The following OPCML variants were observed in gnomAD, a reference collection of about 807,000 sequenced individuals.
The protein encoded by OPCML is opioid-binding protein/cell adhesion molecule.
A neutral mutation model predicts 37.8 loss-of-function variants in OPCML; 13 were observed. The observed-to-expected ratio is 0.34, with a 90% CI of 0.22 to 0.55. The LOEUF is 0.55. Ranked by LOEUF, OPCML falls within the 20% of genes least tolerant of loss-of-function variation. OPCML has a pLI of 0.91. For missense variants in OPCML, 341 were observed against 435.6 expected, an observed-to-expected ratio of 0.78 and a Z score of 1.93; for synonymous variants, 176 against 168.8, an observed-to-expected ratio of 1.04 and a Z score of -0.33.
intron 4 of OPCML, among the ~76,000 whole-genome samples, chr11:132,519,207 G>T (rs1485714087): frequency 6.6e-6 from 1 of 152,156 alleles, no homozygotes; most frequent in East Asian, 1.9e-4. Context: ...TTTAGAAAGA[G>T]AACCCTAGGT....
intron 1 of OPCML, among the ~76,000 whole-genome samples, chr11:133,272,796 T>G (rs1257903542): frequency 6.6e-6 from 1 of 152,188 alleles, no homozygotes; most frequent in Non-Finnish European, 1.5e-5. Flanking sequence ...AACATCTCTT[T>G]GAGAAGAAAG....
intron 1 of OPCML, among the ~76,000 whole-genome samples, chr11:133,405,359 A>G (rs1476455486): frequency 1.3e-5 from 2 of 152,188 alleles, no homozygotes; most frequent in Admixed American, 1.3e-4. Flanking sequence ...TTGGAATTGC[A>G]GCTCCTTCTC....
intron 1 of OPCML, among the ~76,000 whole-genome samples, chr11:133,367,452 C>T (rs758538103): frequency 6.6e-5 from 10 of 152,212 alleles, no homozygotes; most frequent in Admixed American, 2.0e-4. Context: ...GTCCCAGCAT[C>T]GGATCTGCAT....
intron 1 of OPCML, among the ~76,000 whole-genome samples, chr11:133,495,625 G>C (rs951365632): frequency 6.6e-6 from 1 of 152,064 alleles, no homozygotes; most frequent in African/African-American, 2.4e-5. Context: ...ATCGCATTGT[G>C]GTTCTGATTT....
At chr11:133,384,708 G>C (rs1945007298) in intron 1 of OPCML, among the ~76,000 whole-genome samples, 1 of 152,208 alleles carries the variant, frequency 6.6e-6, no homozygotes, top group African/African-American at 2.4e-5. Context: ...CCTGGCTGGA[G>C]ACCAGCCTCA....
At chr11:132,442,443 T>G (rs1036962553) in intron 4 of OPCML, among the ~76,000 whole-genome samples, 2 of 152,202 alleles carry the variant, frequency 1.3e-5, no homozygotes, top group African/African-American at 4.8e-5. Flanking sequence ...GTTTATTGCC[T>G]CAGCCAATTC....
intron 1 of OPCML, among the ~76,000 whole-genome samples, chr11:133,215,102 G>T (rs1191709473): frequency 6.6e-6 from 1 of 152,142 alleles, no homozygotes; most frequent in Non-Finnish European, 1.5e-5. Flanking sequence ...TTCACAGATG[G>T]CAAAGGCTTA....
intron 3 of OPCML, among the ~76,000 whole-genome samples, chr11:132,605,536 C>T (rs1938230715): frequency 6.6e-6 from 1 of 152,022 alleles, no homozygotes; most frequent in Non-Finnish European, 1.5e-5. Context: ...TGTACTCCAG[C>T]CTGGCAACAG....
intron 1 of OPCML, among the ~76,000 whole-genome samples, chr11:133,090,278 C>T (rs1463460753): frequency 1.3e-5 from 2 of 152,066 alleles, no homozygotes; most frequent in Non-Finnish European, 2.9e-5. Context: ...GCAACACATA[C>T]CTAAAATGGG....
intron 1 of OPCML, among the ~76,000 whole-genome samples, chr11:133,226,645 G>A (rs1367956261): frequency 6.6e-6 from 1 of 152,182 alleles, no homozygotes; most frequent in African/African-American, 2.4e-5. Flanking sequence ...TAAATGGCAA[G>A]CAAGCCCCGA....
At chr11:132,484,114 T>A (rs1194828523) in intron 4 of OPCML, among the ~76,000 whole-genome samples, 5 of 152,124 alleles carry the variant, frequency 3.3e-5, no homozygotes, top group Admixed American at 2.0e-4. Context: ...AGAAACTACC[T>A]TCAGAGTGAA....
At chr11:133,500,899 G>A (rs1006125129) in intron 1 of OPCML, among the ~76,000 whole-genome samples, 21 of 152,054 alleles carry the variant, frequency 1.4e-4, no homozygotes, top group Non-Finnish European at 2.6e-4. Flanking sequence ...GTAGGGAGGA[G>A]AGATGACTCC....
chr11:132,638,186 T>TATATAC (rs71067383), intron 3 of OPCML, among the ~76,000 whole-genome samples: 5 of 131,020 alleles, frequency 3.8e-5, no homozygotes, highest in South Asian at 2.6e-4. Flanking sequence ...TATATATATA[T>TATATAC]ACAGAGAGAG....
intron 1 of OPCML, among the ~76,000 whole-genome samples, chr11:133,034,354 A>C (rs1046854041): frequency 7.2e-6 from 1 of 138,918 alleles, no homozygotes; most frequent in Non-Finnish European, 1.6e-5. Flanking sequence ...AGACAGAGGG[A>C]GAGAGAGAGA....
chr11:133,484,123 T>C (rs992195735), intron 1 of OPCML, among the ~76,000 whole-genome samples: 15 of 122,688 alleles, frequency 1.2e-4, no homozygotes, highest in Admixed American at 1.5e-4. Flanking sequence ...GATAGATAGA[T>C]GATTGATAGA....
chr11:132,954,626 G>A (rs1293356570), intron 1 of OPCML, among the ~76,000 whole-genome samples: 4 of 152,150 alleles, frequency 2.6e-5, no homozygotes, highest in South Asian at 4.1e-4. Flanking sequence ...GTAAAACTAC[G>A]CTGTTGGCAT....
intron 7 of OPCML, among the ~76,000 whole-genome samples, chr11:132,421,171 C>T (rs1490950306): frequency 6.6e-6 from 1 of 152,158 alleles, no homozygotes; most frequent in Non-Finnish European, 1.5e-5. Flanking sequence ...CTAACTTGGA[C>T]CAGGTGTTCC....
chr11:133,046,917 G>A (rs976920735), intron 1 of OPCML, among the ~76,000 whole-genome samples: 1 of 151,480 alleles, frequency 6.6e-6, no homozygotes, highest in African/African-American at 2.4e-5. Flanking sequence ...TTAGGAGCCG[G>A]GGAGTGGAAG....
At chr11:132,807,574 C>A (rs895020656) in intron 2 of OPCML, among the ~76,000 whole-genome samples, 2 of 152,166 alleles carry the variant, frequency 1.3e-5, no homozygotes, top group African/African-American at 2.4e-5. Context: ...TGGGGCTGGC[C>A]AAGAAGCAGC....
Sources: allele counts gnomAD v4.1 joint callset (sites outside exome capture counted in the v4.1 genomes callset), GRCh38; gene constraint gnomAD v4.1.1; transcripts MANE v1.5; gene names NCBI Gene and HGNC (gene_info 2026-07-23, HGNC 2026-07-21).